Variants in SMOC1 observed in about 807,000 individuals in gnomAD.
SMOC1 encodes the protein SPARC-related modular calcium-binding protein 1.
A neutral mutation model predicts 56.3 loss-of-function variants in SMOC1; 22 were observed. That is an observed-to-expected ratio of 0.39 (90% confidence interval 0.28 to 0.56). SMOC1 has a LOEUF of 0.56. Among genes scored for constraint, SMOC1 ranks in the 20% least tolerant of loss-of-function variants. The probability of loss-of-function intolerance (pLI) is 0.61; values close to 1 mark genes in which losing one functional copy is unlikely to be tolerated. For missense variants in SMOC1, 509 were observed against 565.4 expected (o/e 0.90, Z 1.01); for synonymous variants, 193 against 215.0 (o/e 0.90, Z 0.89).
At chr14:69,941,649 A>C (rs1882570301) in intron 1 of SMOC1, among the ~76,000 whole-genome samples, 1 of 152,218 alleles carries the variant, frequency 6.6e-6, no homozygotes, top group Non-Finnish European at 1.5e-5. Flanking sequence ...TTTTTAACAA[A>C]ACAAAACACC....
chr14:69,968,478 C>T (rs1373579904), intron 3 of SMOC1, among the ~76,000 whole-genome samples: 2 of 152,158 alleles, frequency 1.3e-5, no homozygotes, highest in Non-Finnish European at 2.9e-5. Flanking sequence ...CCAGCCAGAG[C>T]CCATGGCACC....
intron 3 of SMOC1, among the ~76,000 whole-genome samples, chr14:69,964,623 C>T (rs1029198962): frequency 1.3e-4 from 20 of 152,102 alleles, no homozygotes; most frequent in South Asian, 2.1e-4. Flanking sequence ...GAGATCTGCC[C>T]GCCTTGGCCT....
chr14:69,996,010 C>G (rs1289840370), intron 7 of SMOC1, among the ~76,000 whole-genome samples: 1 of 152,138 alleles, frequency 6.6e-6, no homozygotes, highest in African/African-American at 2.4e-5. Context: ...CCCTGAGGCC[C>G]TGGAAGGTCT....
chr14:69,954,686 C>A (rs1883126214), intron 3 of SMOC1, among the ~76,000 whole-genome samples: 1 of 152,102 alleles, frequency 6.6e-6, no homozygotes. Flanking sequence ...ATGAGCTTAG[C>A]CAAGTGGTTG....
chr14:69,885,365 T>A, intron 1 of SMOC1: 1 of 1,596,486 alleles, frequency 6.3e-7, no homozygotes, highest in Admixed American at 1.7e-5. Context: ...GGCAAGTTCT[T>A]TAGCCTTTGC....
chr14:69,929,947 A>T (rs1314679082), intron 1 of SMOC1, among the ~76,000 whole-genome samples: 1 of 152,066 alleles, frequency 6.6e-6, no homozygotes, highest in Admixed American at 6.5e-5. Flanking sequence ...TTTTCTGGAG[A>T]TGCAAGTAGG....
At chr14:70,029,291 G>A (rs1886052134) in intron 11 of SMOC1, among the ~76,000 whole-genome samples, 2 of 152,122 alleles carry the variant, frequency 1.3e-5, no homozygotes, top group South Asian at 2.1e-4. Context: ...TGTGTAAGTC[G>A]CCCCTCTGCT....
chr14:69,923,121 T>G (rs1189579703), intron 1 of SMOC1, among the ~76,000 whole-genome samples: 1 of 151,804 alleles, frequency 6.6e-6, no homozygotes, highest in African/African-American at 2.4e-5. Flanking sequence ...ATTTTTTGTA[T>G]TTTTTAGTAG....
intron 1 of SMOC1, among the ~76,000 whole-genome samples, chr14:69,930,121 T>G (rs1302316420): frequency 6.9e-6 from 1 of 145,440 alleles, no homozygotes; most frequent in Non-Finnish European, 1.5e-5. Context: ...TCATTCCTGA[T>G]TCTGTTCCCA....
chr14:69,923,430 G>A (rs1282377655), intron 1 of SMOC1, among the ~76,000 whole-genome samples: 1 of 152,172 alleles, frequency 6.6e-6, no homozygotes, highest in Non-Finnish European at 1.5e-5. Context: ...AGCACAGGGG[G>A]TAATAGCATG....
At chr14:69,998,773 G>T (rs1217647754) in intron 7 of SMOC1, among the ~76,000 whole-genome samples, 1 of 152,188 alleles carries the variant, frequency 6.6e-6, no homozygotes, top group Non-Finnish European at 1.5e-5. Flanking sequence ...TGCCCTGGGG[G>T]CTTGACTCTG....
At chr14:69,914,558 G>A (rs1884633875) in intron 1 of SMOC1, among the ~76,000 whole-genome samples, 1 of 150,738 alleles carries the variant, frequency 6.6e-6, no homozygotes, top group Non-Finnish European at 1.5e-5. Context: ...GATCAGAAGT[G>A]GGAGACACCA....
intron 3 of SMOC1, among the ~76,000 whole-genome samples, chr14:69,959,659 A>G (rs1883302191): frequency 6.7e-6 from 1 of 150,272 alleles, no homozygotes; most frequent in African/African-American, 2.5e-5. Context: ...TTATTTCCTG[A>G]GGTCATTGCA....
intron 10 of SMOC1, among the ~76,000 whole-genome samples, chr14:70,020,922 A>G (rs1212216284): frequency 6.6e-6 from 1 of 152,174 alleles, no homozygotes; most frequent in Admixed American, 6.5e-5. Flanking sequence ...GGAGTGGCTG[A>G]AAGCTGGACA....
Position 70,001,520 on chromosome 14 carries a change from AT to A in SMOC1, c.664+7048del, listed in dbSNP as rs1224538592. Among the ~76,000 whole-genome samples the A allele has an allele frequency of 3.3e-5, 5 of 152,040 alleles. 1 individual carries two copies. The South Asian group carries it at 6.2e-4, about 19-fold the overall frequency. The stretch of plus-strand genomic sequence containing the variant: ...GATAGACTCTTAGCTATATGTGCAT[AT>A]TTTTTTTAGTTTACCTACAGACCTA... On this transcript the variant is annotated intron_variant, in intron 7 of 11. Transcript: ENST00000361956.
At chr14:69,953,372 A>T (rs1243480946) in intron 2 of SMOC1, 48 bp from the exon 3 acceptor site, 1 of 1,563,618 alleles carries the variant, frequency 6.4e-7, no homozygotes, top group Non-Finnish European at 8.8e-7. Context: ...CCTCGGCCCC[A>T]GTGTCGAATC....
intron 1 of SMOC1, among the ~76,000 whole-genome samples, chr14:69,911,482 G>C (rs1290043): frequency 0.94 from 143,687 of 152,294 alleles, 68,328 homozygotes; most frequent in South Asian, 1. Flanking sequence ...TCCTTGCTCC[G>C]CACCCCAAAT....
chr14:69,936,409 G>A (rs1885296666), intron 1 of SMOC1, among the ~76,000 whole-genome samples: 1 of 152,260 alleles, frequency 6.6e-6, no homozygotes, highest in South Asian at 2.1e-4. Context: ...ATCTGGGCCT[G>A]TAATGCTAAT....
At chr14:70,013,587 G>A in intron 10 of SMOC1, 96 bp downstream of exon 10, 1 of 994,388 alleles carries the variant, frequency 1.0e-6, no homozygotes, top group East Asian at 2.4e-5. Flanking sequence ...CAGGGTTTGA[G>A]GAGGGCAAGG....
Sources: allele counts gnomAD v4.1 joint callset (sites outside exome capture counted in the v4.1 genomes callset), GRCh38; gene constraint gnomAD v4.1.1; transcripts MANE v1.5; gene names NCBI Gene and HGNC (gene_info 2026-07-23, HGNC 2026-07-21).